Variants in KDM3B observed in about 807,000 individuals in gnomAD.
KDM3B encodes the protein lysine demethylase 3B.
In KDM3B, 10 loss-of-function variants were observed where a neutral mutation model predicts 170.0. That is an observed-to-expected ratio of 0.06 (90% CI 0.04 to 0.10). The LOEUF is 0.10. Ranked by LOEUF, KDM3B falls within the 10% of genes least tolerant of loss-of-function variation. The pLI, the probability that KDM3B is intolerant of heterozygous loss-of-function variation, is 1.00. For synonymous variants in KDM3B, 831 were observed against 834.8 expected (o/e 1.00, Z 0.08); for missense variants, 1,394 against 2,195.2 (o/e 0.64, Z 7.29).
chr5:138,354,277 AG>A (rs1761400168), intron 1 of KDM3B, among the ~76,000 whole-genome samples: 1 of 152,168 alleles, frequency 6.6e-6, no homozygotes, highest in Admixed American at 6.5e-5. Flanking sequence ...ATAAGGCCTC[AG>A]TGGGGCAAAT....
chr5:138,366,787 G>A (rs1463515217), intron 1 of KDM3B, among the ~76,000 whole-genome samples: 1 of 152,222 alleles, frequency 6.6e-6, no homozygotes, highest in Non-Finnish European at 1.5e-5. Context: ...GATATAGTGG[G>A]CATTGGCAGC....
Position 138,391,358 on chromosome 5 carries a change from G to A in KDM3B, c.1726G>A (p.Gly576Arg). 6.2e-7 allele frequency: 1 copy of A among 1,614,156 alleles called. No individual in the cohort carries two copies. ...CCTGTGTAAAGGCAGATCCGTTCTTGGAACAGACACTAAGCCAGGCTCTAA... is the reference window on the plus strand; with the variant it reads ...CCTGTGTAAAGGCAGATCCGTTCTTAGAACAGACACTAAGCCAGGCTCTAA... ...SGLCKGRSVL[G>R]TDTKPGSKAG... is the part of the protein sequence containing the mutation. Residue 576 changes from glycine (G) to arginine (R), a missense_variant, in exon 8 of 24, where the codon GGA (glycine) becomes AGA (arginine). By Grantham distance (125) the Gly-to-Arg change is moderately radical (BLOSUM62 -2). Coordinates refer to ENST00000314358, the MANE Select transcript of KDM3B (RefSeq NM_016604.4). This position sits in a 1 kb window ranked among gnomAD's most constrained non-coding sequence, Gnocchi z 5.0.
At chr5:138,365,891 C>T (rs1011052444) in intron 1 of KDM3B, among the ~76,000 whole-genome samples, 3 of 151,882 alleles carry the variant, frequency 2.0e-5, no homozygotes, top group Non-Finnish European at 4.4e-5. Context: ...CCCAGCTACT[C>T]GAGAGGCTGC....
chr5:138,409,483 G>C (rs1203361080), intron 11 of KDM3B, among the ~76,000 whole-genome samples: 1 of 152,132 alleles, frequency 6.6e-6, no homozygotes, highest in Admixed American at 6.6e-5. Context: ...AGTGAGCCGA[G>C]CATCATAAAA....
chr5:138,425,712 A>T, intron 17 of KDM3B, 130 bp downstream of exon 17: 1 of 856,786 alleles, frequency 1.2e-6, no homozygotes, highest in Admixed American at 2.8e-5. Context: ...ATGAATAAAA[A>T]ATTAAAAACA....
chr5:138,433,113 T>C (rs1029842155), intron 23 of KDM3B, among the ~76,000 whole-genome samples: 3 of 149,276 alleles, frequency 2.0e-5, no homozygotes, highest in Non-Finnish European at 4.5e-5. Flanking sequence ...ACTTTTCCTT[T>C]CTTTTTTTTT....
At chr5:138,399,831 A>G (rs370197665) in intron 10 of KDM3B, 29 bp from the exon 11 acceptor site, 32 of 1,607,342 alleles carry the variant, frequency 2.0e-5, no homozygotes, top group Admixed American at 6.7e-5. Flanking sequence ...AGGATGATCA[A>G]TGCCAATTCT....
intron 14 of KDM3B, among the ~76,000 whole-genome samples, chr5:138,419,718 T>TACAC (rs1441720786): frequency 1.1e-3 from 72 of 63,702 alleles, no homozygotes; most frequent in Middle Eastern, 7.7e-3. Context: ...CACATATATA[T>TACAC]ACACACACAT....
rs370904445 is a variant in KDM3B, at chr5:138,379,566, G to C, written c.581-18G>C. 9 of 1,603,734 alleles carry C rather than the reference G, an allele frequency of 5.6e-6. No homozygotes were observed. The highest frequency in any genetic ancestry group is 7.7e-6 in the Non-Finnish European group (9 of 1,175,700). ...AGCTTAGCCAAAAATACTCAATACTGACTGATCTCCCTTTTAGGTCCCTAC... is the reference window on the plus strand; with the variant it reads ...AGCTTAGCCAAAAATACTCAATACTCACTGATCTCCCTTTTAGGTCCCTAC... On this transcript the variant is annotated intron_variant, in intron 4 of 23. Coordinates refer to ENST00000314358, the MANE Select transcript of KDM3B (RefSeq NM_016604.4).
Position 138,417,555 on chromosome 5 carries a change from T to G in KDM3B, c.3380T>G (p.Ile1127Ser), listed in dbSNP as rs1056502291. 1 of 1,614,166 alleles carries G rather than the reference T, an allele frequency of 6.2e-7. No homozygotes were observed. Among genetic ancestry groups the G allele is most frequent in the East Asian group, 2.2e-5 (1 of 44,888 alleles). Residue 1127 changes from isoleucine to serine, a missense_variant, in exon 13 of 24, where the codon ATC (isoleucine) becomes AGC (serine). Transcript: ENST00000314358. ...GGAATTAAAGCAAACTGCCCTTGTA[T>G]CAGTCGACAGAACAAATCTGTATTG... Reference protein sequence around the residue: ...KWGIKANCPCISRQNKSVLRP... With the variant: ...KWGIKANCPCSSRQNKSVLRP...
intron 22 of KDM3B, among the ~76,000 whole-genome samples, chr5:138,430,847 A>G (rs920810819): frequency 1.6e-4 from 24 of 152,142 alleles, no homozygotes; most frequent in African/African-American, 5.5e-4. Context: ...CCAAGATCGC[A>G]CCATTGCACT....
intron 3 of KDM3B, among the ~76,000 whole-genome samples, chr5:138,377,212 T>C (rs1251735116): frequency 6.6e-6 from 1 of 152,232 alleles, no homozygotes; most frequent in Non-Finnish European, 1.5e-5. Flanking sequence ...GTTGGATAAA[T>C]ACTGAAATAA....
intron 16 of KDM3B, among the ~76,000 whole-genome samples, chr5:138,425,091 C>T (rs1029533319): frequency 6.6e-6 from 1 of 152,188 alleles, no homozygotes; most frequent in African/African-American, 2.4e-5. Context: ...GAGCTCATGG[C>T]ATTGTCATTT....
At chr5:138,427,350 G>A (rs370295474) in intron 19 of KDM3B, 31 bp downstream of exon 19, 134 of 1,592,934 alleles carry the variant, frequency 8.4e-5, no homozygotes, top group Non-Finnish European at 1.1e-4. Context: ...TTGCTCTTTT[G>A]GGGGACTGTT....
chr5:138,421,976 C>T (rs1763284364), intron 15 of KDM3B, among the ~76,000 whole-genome samples: 1 of 152,190 alleles, frequency 6.6e-6, no homozygotes, highest in South Asian at 2.1e-4. Flanking sequence ...CATGGCCTGG[C>T]ATGCTCCCTC....
chr5:138,415,242 A>G lies in KDM3B; in HGVS notation c.3307+3A>G. Reference sequence around the variant, plus strand: ...CACACAAATTATTCCTGGCACAGGTAAGGAAATTCCTTTTTTAGATTTGGT... The same window carrying G: ...CACACAAATTATTCCTGGCACAGGTGAGGAAATTCCTTTTTTAGATTTGGT... On this transcript the variant is annotated splice_donor_region_variant and intron_variant, in intron 12 of 23. Coordinates refer to ENST00000314358, the MANE Select transcript of KDM3B (RefSeq NM_016604.4). The G allele has an allele frequency of 6.3e-7, 1 of 1,583,100 alleles. No homozygotes were observed. The highest frequency in any genetic ancestry group is 8.7e-7 in the Non-Finnish European group (1 of 1,155,478).
chr5:138,415,581 G>A (rs186362153), intron 12 of KDM3B, among the ~76,000 whole-genome samples: 2 of 151,576 alleles, frequency 1.3e-5, no homozygotes, highest in East Asian at 3.9e-4. Context: ...AGGACTACAG[G>A]CATGCACCAC....
chr5:138,407,372 G>T (rs1561783431), intron 11 of KDM3B, among the ~76,000 whole-genome samples: 1 of 152,064 alleles, frequency 6.6e-6, no homozygotes, highest in African/African-American at 2.4e-5. Context: ...AACAAATAGA[G>T]AACCTAAATA....
intron 5 of KDM3B, among the ~76,000 whole-genome samples, chr5:138,381,004 C>G (rs568587125): frequency 1.3e-5 from 2 of 151,968 alleles, no homozygotes; most frequent in East Asian, 3.9e-4. Context: ...CCTCCTGATT[C>G]GCTGAGATTA....
Sources: gnomAD v4.1 joint callset for allele counts (sites outside exome capture counted in the v4.1 genomes callset) on GRCh38, gnomAD v4.1.1 for gene constraint, Gnocchi (gnomAD v3.1) non-coding constraint, MANE v1.5 for transcripts, NCBI Gene and HGNC (gene_info 2026-07-23, HGNC 2026-07-21) for gene names.